LRP6: variants seen among roughly 807,000 people sequenced by gnomAD.
LRP6 encodes the protein low-density lipoprotein receptor-related protein 6.
A neutral mutation model predicts 184.1 loss-of-function variants in LRP6; 43 were observed. The observed-to-expected ratio is 0.23, with a 90% CI of 0.18 to 0.30. The LOEUF is 0.30. Ranked by LOEUF, LRP6 falls within the 10% of genes least tolerant of loss-of-function variation. The pLI is 1.00. For synonymous variants in LRP6, 719 were observed against 684.9 expected, an observed-to-expected ratio of 1.05 and a Z score of -0.78; for missense variants, 1,571 against 2,005.3, an observed-to-expected ratio of 0.78 and a Z score of 4.14.
intron 2 of LRP6, among the ~76,000 whole-genome samples, chr12:12,204,307 G>GT (rs1488676700): frequency 2.7e-5 from 4 of 150,940 alleles, no homozygotes; most frequent in Non-Finnish European, 4.4e-5. Flanking sequence ...AAGGAGGGGG[G>GT]GGTCAGGAAC....
intron 9 of LRP6, among the ~76,000 whole-genome samples, chr12:12,163,870 A>G (rs890696082): frequency 2.0e-5 from 3 of 152,222 alleles, no homozygotes; most frequent in African/African-American, 7.2e-5. Flanking sequence ...GCGGTGGCTC[A>G]CGCCTGTAAT....
intron 2 of LRP6, among the ~76,000 whole-genome samples, chr12:12,218,474 C>CAA (rs751920762): frequency 6.9e-4 from 65 of 94,048 alleles, no homozygotes; most frequent in Non-Finnish European, 1.2e-3. Flanking sequence ...AAGACCCTCT[C>CAA]TCAATAATAA....
chr12:12,142,063 T>C (rs1440127913), intron 15 of LRP6, among the ~76,000 whole-genome samples: 1 of 152,092 alleles, frequency 6.6e-6, no homozygotes, highest in African/African-American at 2.4e-5. Flanking sequence ...AATCAAGAAA[T>C]AGCATTTTTA....
chr12:12,155,703 A>G (rs1011944822), intron 12 of LRP6: 4 of 981,592 alleles, frequency 4.1e-6, no homozygotes, highest in South Asian at 2.5e-5. Context: ...CCAGAGAAGC[A>G]TATTTTGTGA....
In LRP6 at chr12:12,165,342, T is replaced by C. The variant is rs372517334; in HGVS notation, c.1546-47A>G. The C allele has an allele frequency of 2.2e-6, 3 of 1,349,840 alleles. No homozygotes were observed. In the African/African-American group the frequency reaches 4.3e-5, roughly 19 times the overall value. The allele number at this position is 1,349,840 out of a possible 1,614,324, so 83.6% of individuals were successfully genotyped here. A position where few individuals can be genotyped will look rare whatever the true frequency, so the allele number is the denominator to read the frequency against. ...AGAAGGGGATGAATTATGCATTTAT[T>C]CTTCAGCTAAAAATAACAAATCCAA... On this transcript the variant is annotated intron_variant, in intron 7 of 22. Transcript: ENST00000261349.
chr12:12,186,881 A>G, intron 4 of LRP6, 42 bp downstream of exon 4: 2 of 1,541,404 alleles, frequency 1.3e-6, no homozygotes, highest in Non-Finnish European at 1.8e-6. Context: ...GAGTGCTACA[A>G]AGCTGTTCCA....
At chr12:12,209,164 T>TGTGCAAA in intron 2 of LRP6, among the ~76,000 whole-genome samples, 1 of 152,202 alleles carries the variant, frequency 6.6e-6, no homozygotes, top group South Asian at 2.1e-4. Flanking sequence ...CAGAAGCAAT[T>TGTGCAAA]TGCACACTAT....
intron 15 of LRP6, among the ~76,000 whole-genome samples, chr12:12,143,263 A>C (rs1171735723): frequency 6.6e-6 from 1 of 152,138 alleles, no homozygotes. Context: ...AGAGAAATTA[A>C]AGATCTAAAT....
chr12:12,122,312 A>T (rs1949616666), intron 22 of LRP6, among the ~76,000 whole-genome samples: 1 of 152,194 alleles, frequency 6.6e-6, no homozygotes, highest in Non-Finnish European at 1.5e-5. Context: ...ATACCTGTTT[A>T]TTCTAAATAT....
chr12:12,163,500 T>C (rs568047055), intron 9 of LRP6, among the ~76,000 whole-genome samples: 1 of 152,312 alleles, frequency 6.6e-6, no homozygotes, highest in Admixed American at 6.5e-5. Flanking sequence ...GATTTATAGG[T>C]TGGGAGCTTC....
chr12:12,207,927 C>T (rs926201328), intron 2 of LRP6, among the ~76,000 whole-genome samples: 1 of 151,998 alleles, frequency 6.6e-6, no homozygotes, highest in Non-Finnish European at 1.5e-5. Context: ...AGAGGCAATC[C>T]CCCAGAAAGC....
At position 12,125,478 on chromosome 12, in the gene LRP6, A is replaced by C. The variant is rs759795523; in HGVS notation, c.4313-46T>G. ...AAACTGAAGATGAGTATGATATATA[A>C]AAATGTATCAAGCAATTTCATTCAA... On this transcript the variant is annotated intron_variant, in intron 20 of 22. Coordinates refer to ENST00000261349, the MANE Select transcript of LRP6 (RefSeq NM_002336.3). 6.5e-6 allele frequency: 10 copies of C among 1,533,458 alleles called. No homozygotes were observed. In the East Asian group the frequency reaches 2.0e-4, roughly 31 times the overall value. 95.0% of individuals were successfully genotyped at this position (1,533,458 alleles called of 1,614,324 possible).
intron 12 of LRP6, among the ~76,000 whole-genome samples, chr12:12,152,445 C>T (rs892016384): frequency 5.9e-5 from 9 of 152,166 alleles, no homozygotes; most frequent in African/African-American, 1.7e-4. Flanking sequence ...CACCACCATG[C>T]CCAGCTAATT....
intron 2 of LRP6, among the ~76,000 whole-genome samples, chr12:12,234,806 A>G (rs1425299089): frequency 6.6e-6 from 1 of 152,092 alleles, no homozygotes; most frequent in East Asian, 1.9e-4. Context: ...ACTCTGGGCG[A>G]CAGAGAGAGA....
At chr12:12,221,261 A>G (rs1418084864) in intron 2 of LRP6, among the ~76,000 whole-genome samples, 6 of 152,216 alleles carry the variant, frequency 3.9e-5, no homozygotes, top group Non-Finnish European at 7.3e-5. Context: ...ACCATAAACA[A>G]TGAAGTGTAA....
At chr12:12,181,951 T>G (rs904859001) in intron 5 of LRP6, among the ~76,000 whole-genome samples, 1 of 152,250 alleles carries the variant, frequency 6.6e-6, no homozygotes, top group African/African-American at 2.4e-5. Context: ...GGATGGATTT[T>G]ATATGCTATG....
chr12:12,147,699 C>CG (rs1950029548), intron 14 of LRP6, 143 bp from the exon 15 acceptor site: 3 of 711,846 alleles, frequency 4.2e-6, no homozygotes, highest in Non-Finnish European at 7.1e-6. Flanking sequence ...TGACCAGGCA[C>CG]AGTGGCTCAT....
intron 2 of LRP6, among the ~76,000 whole-genome samples, chr12:12,211,835 G>A (rs756985587): frequency 3.9e-5 from 6 of 152,298 alleles, no homozygotes; most frequent in Admixed American, 6.5e-5. Context: ...ACCTGAAAGC[G>A]GGTAACAGAT....
chr12:12,225,191 C>T (rs536547779), intron 2 of LRP6, among the ~76,000 whole-genome samples: 8 of 152,122 alleles, frequency 5.3e-5, no homozygotes, highest in South Asian at 2.1e-4. Flanking sequence ...CCAGCCTGGG[C>T]GACAAAGCGA....
Sources: gnomAD v4.1 joint callset for allele counts (sites outside exome capture counted in the v4.1 genomes callset) on GRCh38, gnomAD v4.1.1 for gene constraint, MANE v1.5 for transcripts, NCBI Gene and HGNC (gene_info 2026-07-23, HGNC 2026-07-21) for gene names.